UGGT1: variants seen among roughly 807,000 people sequenced by gnomAD.
The protein encoded by UGGT1 is UDP-glucose glycoprotein glucosyltransferase 1.
Under a neutral mutation model 203.9 loss-of-function variants are expected in UGGT1, and 107 were observed. The observed-to-expected ratio is 0.52, with a 90% CI of 0.45 to 0.62. The LOEUF is 0.62. UGGT1 is among the 20% of genes least tolerant of loss of function. UGGT1 has a pLI of 0.00. For synonymous variants in UGGT1, 628 were observed against 653.5 expected (o/e 0.96, Z 0.59); for missense variants, 1,673 against 1,867.2 (o/e 0.90, Z 1.92).
intron 16 of UGGT1, among the ~76,000 whole-genome samples, chr2:128,140,836 C>G (rs1689384562): frequency 6.6e-6 from 1 of 152,100 alleles, no homozygotes; most frequent in Non-Finnish European, 1.5e-5. Flanking sequence ...CATCACCATA[C>G]CCAGCTAATT....
At chr2:128,166,614 T>C (rs544931878) in intron 26 of UGGT1, among the ~76,000 whole-genome samples, 2 of 152,360 alleles carry the variant, frequency 1.3e-5, no homozygotes, top group South Asian at 4.1e-4. Flanking sequence ...TGCCATTTTT[T>C]TTCCTAGTCT....
At chr2:128,118,394 T>C (rs1688229764) in intron 8 of UGGT1, among the ~76,000 whole-genome samples, 1 of 151,874 alleles carries the variant, frequency 6.6e-6, no homozygotes, top group Non-Finnish European at 1.5e-5. Context: ...CCCTCTCGAA[T>C]AGCTGGGACT....
chr2:128,102,546 A>G (rs1216175206), intron 2 of UGGT1, among the ~76,000 whole-genome samples: 1 of 152,228 alleles, frequency 6.6e-6, no homozygotes, highest in Non-Finnish European at 1.5e-5. Flanking sequence ...CATTTCTTTA[A>G]TAATATCTTG....
intron 26 of UGGT1, among the ~76,000 whole-genome samples, 181 bp from the exon 27 acceptor site, chr2:128,170,107 A>C (rs1053305010): frequency 6.6e-6 from 1 of 152,160 alleles, no homozygotes; most frequent in Non-Finnish European, 1.5e-5. Flanking sequence ...TTTCAGATCC[A>C]TTATTAAGGT....
rs1357258770 is a variant in UGGT1 at position 128,192,587 on chromosome 2, A to G, written c.*2845A>G. On this transcript the variant is annotated 3_prime_UTR_variant, in exon 41 of 41. Transcript: ENST00000259253. ...AAATAATGTGATATGTCAGAGTGACATGCAGCATCCTGAGCCTGTTTTTAT... is the reference window on the plus strand; with the variant it reads ...AAATAATGTGATATGTCAGAGTGACGTGCAGCATCCTGAGCCTGTTTTTAT... 1 of 152,204 alleles carries G rather than the reference A, an allele frequency of 6.6e-6. No homozygotes were observed. The highest frequency in any genetic ancestry group is 2.4e-5 in the African/African-American group (1 of 41,458). The allele number at this position is 152,204 out of a possible 1,614,324, so 9.4% of individuals were successfully genotyped here. A position where few individuals can be genotyped will look rare whatever the true frequency, so the allele number is the denominator to read the frequency against.
chr2:128,153,819 C>T (rs1445982985), intron 19 of UGGT1, among the ~76,000 whole-genome samples: 1 of 152,094 alleles, frequency 6.6e-6, no homozygotes, highest in Non-Finnish European at 1.5e-5. Flanking sequence ...TTGTGCCTTC[C>T]TCGAGATTCT....
chr2:128,117,394 A>T (rs974821352), intron 8 of UGGT1, among the ~76,000 whole-genome samples: 6 of 152,210 alleles, frequency 3.9e-5, no homozygotes, highest in African/African-American at 1.4e-4. Context: ...CCAGCTCAGA[A>T]AAAACATTTT....
intron 12 of UGGT1, among the ~76,000 whole-genome samples, chr2:128,128,545 C>T (rs1040382038): frequency 2.0e-5 from 3 of 152,136 alleles, no homozygotes; most frequent in African/African-American, 7.2e-5. Context: ...AACTACTGAC[C>T]TTGTGATCCG....
chr2:128,175,484 G>T (rs542807146), intron 31 of UGGT1, among the ~76,000 whole-genome samples: 18 of 152,338 alleles, frequency 1.2e-4, no homozygotes, highest in African/African-American at 4.1e-4. Flanking sequence ...CCGTCAGGTT[G>T]TGTAGGGGAT....
intron 17 of UGGT1, 75 bp downstream of exon 17, chr2:128,143,300 TTAA>T: frequency 6.9e-7 from 1 of 1,446,454 alleles, no homozygotes; most frequent in Non-Finnish European, 9.2e-7. Flanking sequence ...GGGGCTTTGG[TTAA>T]TAATGGCGAT....
rs556276164 is a variant in UGGT1 at position 128,190,159 on chromosome 2, A to C, written c.*417A>C. The C allele has an allele frequency of 6.1e-6, 1 of 162,656 alleles. No homozygotes were observed. The highest frequency in any genetic ancestry group is 1.8e-4 in the South Asian group (1 of 5,594). The allele number at this position is 162,656 out of a possible 1,614,324, so 10.1% of individuals were successfully genotyped here. ...ACCTGCGGCCTGCGCTGCACTGCAG[A>C]TGCCCACCCTGCCCTGGGTCTGGCC... On this transcript the variant is annotated 3_prime_UTR_variant, in exon 41 of 41. Transcript: ENST00000259253.
At chr2:128,135,519 A>C (rs1395369363) in intron 15 of UGGT1, among the ~76,000 whole-genome samples, 2 of 152,188 alleles carry the variant, frequency 1.3e-5, no homozygotes, top group Non-Finnish European at 2.9e-5. Flanking sequence ...GTAATTTTAC[A>C]TGTTGGTGAA....
At chr2:128,135,899 G>A (rs1689110218) in intron 15 of UGGT1, among the ~76,000 whole-genome samples, 1 of 152,210 alleles carries the variant, frequency 6.6e-6, no homozygotes, top group African/African-American at 2.4e-5. Context: ...TTCATATAAA[G>A]CATGAATACA....
At chr2:128,177,987 CT>C (rs937029471) in intron 33 of UGGT1, 67 bp downstream of exon 33, 6 of 1,327,660 alleles carry the variant, frequency 4.5e-6, no homozygotes, top group Non-Finnish European at 6.2e-6. Flanking sequence ...TCCATCCCTC[CT>C]TTTTGCATCT....
At chr2:128,115,012 G>T (rs1049799271) in intron 6 of UGGT1, 112 bp from the exon 7 acceptor site, 12 of 863,644 alleles carry the variant, frequency 1.4e-5, no homozygotes, top group Non-Finnish European at 2.2e-5. Context: ...ATATTTTGAG[G>T]GCATAATCCG....
intron 5 of UGGT1, 22 bp from the exon 6 acceptor site, chr2:128,113,062 A>C: frequency 6.9e-7 from 1 of 1,453,024 alleles, no homozygotes; most frequent in Non-Finnish European, 9.1e-7. Flanking sequence ...TAAAGTTTTG[A>C]GCTTTTATTA....
At chr2:128,111,110 T>C (rs1687824995) in intron 5 of UGGT1, among the ~76,000 whole-genome samples, 1 of 152,194 alleles carries the variant, frequency 6.6e-6, no homozygotes, top group Non-Finnish European at 1.5e-5. Context: ...CCCAGCACTT[T>C]GGCAGGCTGA....
Position 128,091,253 on chromosome 2 carries a change from G to T in UGGT1, c.-105G>T. The T allele has an allele frequency of 2.4e-6, 3 of 1,233,112 alleles. No homozygotes were observed. Among genetic ancestry groups the T allele is most frequent in the Non-Finnish European group, 3.3e-6 (3 of 918,610 alleles). The allele number at this position is 1,233,112 out of a possible 1,614,324, so 76.4% of individuals were successfully genotyped here. ...TGTTGAGTCGAGCCGCGGGAAAGGC[G>T]CGTGTCGGCCTCTCACTGGCGCAGC... On this transcript the variant is annotated 5_prime_UTR_variant, in exon 1 of 41. Transcript: ENST00000259253.
rs546168658 is a variant in UGGT1 at position 128,095,593 on chromosome 2, A to G, written c.59-1836A>G. 2.8e-3 allele frequency among the ~76,000 whole-genome samples: 424 copies of G among 151,822 alleles called. 2 individuals are homozygous for G. The highest frequency in any genetic ancestry group is 4.9e-3 in the Non-Finnish European group (335 of 67,950). On this transcript the variant is annotated intron_variant, in intron 1 of 40. Coordinates refer to ENST00000259253, the MANE Select transcript of UGGT1 (RefSeq NM_020120.4). Reference sequence around the variant, plus strand: ...AGCATGGACCTCCTAGGCCCAAGCTATCTTCCCACCTTAGCCTCCCAAGTA... The same window carrying G: ...AGCATGGACCTCCTAGGCCCAAGCTGTCTTCCCACCTTAGCCTCCCAAGTA...
Sources: gnomAD v4.1 joint callset for allele counts (sites outside exome capture counted in the v4.1 genomes callset) on GRCh38, gnomAD v4.1.1 for gene constraint, MANE v1.5 for transcripts, NCBI Gene and HGNC (gene_info 2026-07-23, HGNC 2026-07-21) for gene names.